The following RFX3 variants were observed in gnomAD, a reference collection of about 807,000 sequenced individuals.
RFX3 encodes the protein transcription factor RFX3.
A neutral mutation model predicts 98.6 loss-of-function variants in RFX3; 14 were observed. That is an observed-to-expected ratio of 0.14 (90% CI 0.09 to 0.22). The LOEUF (loss-of-function observed/expected upper bound fraction) is 0.22. Among genes scored for constraint, RFX3 ranks in the 10% least tolerant of loss-of-function variants. The probability of loss-of-function intolerance (pLI) is 1.00; values close to 1 mark genes in which losing one functional copy is unlikely to be tolerated. For synonymous variants in RFX3, 383 were observed against 328.4 expected (o/e 1.17, Z -1.80); for missense variants, 639 against 926.9 (o/e 0.69, Z 4.03).
chr9:3,317,550 A>G (rs1264901786), intron 4 of RFX3, among the ~76,000 whole-genome samples: 1 of 152,262 alleles, frequency 6.6e-6, no homozygotes, highest in Non-Finnish European at 1.5e-5. Flanking sequence ...GCTTCTGCAC[A>G]GCAAAAGAAA....
chr9:3,365,001 T>C (rs550973208), intron 2 of RFX3, among the ~76,000 whole-genome samples: 11 of 151,988 alleles, frequency 7.2e-5, no homozygotes, highest in Admixed American at 3.9e-4. Flanking sequence ...TAGAAAACAG[T>C]TAAGTAAAAA....
At chr9:3,230,721 T>A (rs1421939297) in intron 15 of RFX3, among the ~76,000 whole-genome samples, 1 of 152,198 alleles carries the variant, frequency 6.6e-6, no homozygotes, top group Non-Finnish European at 1.5e-5. Flanking sequence ...ACACTTAAGT[T>A]CTTGAAAGGA....
At chr9:3,378,458 T>C (rs1322258780) in intron 2 of RFX3, among the ~76,000 whole-genome samples, 2 of 152,124 alleles carry the variant, frequency 1.3e-5, no homozygotes, top group Non-Finnish European at 2.9e-5. Context: ...ATATATGATA[T>C]GTATAAGTTT....
intron 1 of RFX3, among the ~76,000 whole-genome samples, chr9:3,407,774 C>T (rs1230487138): frequency 6.6e-6 from 1 of 152,046 alleles, no homozygotes; most frequent in Non-Finnish European, 1.5e-5. Context: ...ATTTCATTTC[C>T]AGCAATGCAG....
chr9:3,466,988 A>T (rs759891509), intron 1 of RFX3, among the ~76,000 whole-genome samples: 4 of 148,290 alleles, frequency 2.7e-5, no homozygotes, highest in South Asian at 4.2e-4. Context: ...TACTTCCTGG[A>T]AACCTCTAAG....
At chr9:3,283,661 A>G (rs907573597) in intron 7 of RFX3, among the ~76,000 whole-genome samples, 1 of 151,734 alleles carries the variant, frequency 6.6e-6, no homozygotes, top group Non-Finnish European at 1.5e-5. Flanking sequence ...ATCTTTCCAA[A>G]TGACCTCTTC....
chr9:3,249,130 A>G (rs932892734), intron 14 of RFX3, among the ~76,000 whole-genome samples: 4 of 152,182 alleles, frequency 2.6e-5, no homozygotes, highest in African/African-American at 9.6e-5. Context: ...CAACCATTGT[A>G]TTCTCAGGAG....
intron 1 of RFX3, among the ~76,000 whole-genome samples, chr9:3,505,978 T>C (rs1225033951): frequency 6.6e-6 from 1 of 151,834 alleles, no homozygotes; most frequent in Non-Finnish European, 1.5e-5. Context: ...GGCCCCTACT[T>C]TATGTGCCAA....
intron 1 of RFX3, among the ~76,000 whole-genome samples, chr9:3,467,070 G>GTA (rs1848311356): frequency 3.0e-5 from 4 of 133,574 alleles, no homozygotes; most frequent in African/African-American, 5.8e-5. Flanking sequence ...ATATATATAA[G>GTA]TATATATGTA....
At chr9:3,428,388 T>G (rs1328734592) in intron 1 of RFX3, among the ~76,000 whole-genome samples, 1 of 152,216 alleles carries the variant, frequency 6.6e-6, no homozygotes, top group Non-Finnish European at 1.5e-5. Context: ...ATAATGATGA[T>G]GGAACACTTT....
At chr9:3,456,239 C>T (rs962072814) in intron 1 of RFX3, among the ~76,000 whole-genome samples, 2 of 152,174 alleles carry the variant, frequency 1.3e-5, no homozygotes, top group Non-Finnish European at 2.9e-5. Context: ...CAAACCATGG[C>T]ACTGTGGGAC....
rs753073467 is a variant in RFX3 at position 3,221,750 on chromosome 9, G to C, written c.*3292C>G. ...TCATGAATGCAAATCTTTTGAGTAT[G>C]ATTTTCAAACTATATGTCAAGATCA... On this transcript the variant is annotated 3_prime_UTR_variant, in exon 17 of 17. Transcript: ENST00000617270. 6.6e-6 allele frequency: 1 copy of C among 152,102 alleles called. No individual in the cohort carries two copies. The highest frequency in any genetic ancestry group is 1.5e-5 in the Non-Finnish European group (1 of 67,990). The allele number at this position is 152,102 out of a possible 1,614,324, so 9.4% of individuals were successfully genotyped here. A position where few individuals can be genotyped will look rare whatever the true frequency, so the allele number is the denominator to read the frequency against.
At chr9:3,357,249 C>T (rs1441236807) in intron 2 of RFX3, among the ~76,000 whole-genome samples, 3 of 151,856 alleles carry the variant, frequency 2.0e-5, no homozygotes, top group African/African-American at 4.8e-5. Flanking sequence ...CAAACATAGC[C>T]TCTCCGCTCC....
rs150461447 is a variant in RFX3 at position 3,508,510 on chromosome 9, G to A, written c.-9+17237C>T. On this transcript the variant is annotated intron_variant, in intron 1 of 16. Transcript: ENST00000617270. Reference sequence around the variant, plus strand: ...ACTCTCTCAATTCATCTGAAACAGCGGCATTAAATTTTAAAAAATGATAAA... The same window carrying A: ...ACTCTCTCAATTCATCTGAAACAGCAGCATTAAATTTTAAAAAATGATAAA... Among the ~76,000 whole-genome samples, 638 of 151,818 alleles carry A rather than the reference G, an allele frequency of 4.2e-3. 3 individuals are homozygous for A. Among genetic ancestry groups the A allele is most frequent in the African/African-American group, 0.014 (594 of 41,444 alleles).
At chr9:3,270,106 GAAA>G (rs1824215399) in intron 11 of RFX3, among the ~76,000 whole-genome samples, 7 of 25,780 alleles carry the variant, frequency 2.7e-4, no homozygotes, top group South Asian at 2.5e-3. Flanking sequence ...AAGAAAGAAA[GAAA>G]GAAAGAAAGA....
In RFX3 at chr9:3,465,402, T is replaced by C. The variant is rs142731778; in HGVS notation, c.-9+60345A>G. 2.6e-3 allele frequency among the ~76,000 whole-genome samples: 397 copies of C among 151,530 alleles called. 4 individuals are homozygous for C. Among genetic ancestry groups the C allele is most frequent in the South Asian group, 0.016 (77 of 4,784 alleles). On this transcript the variant is annotated intron_variant, in intron 1 of 16. Transcript: ENST00000617270. ...ACCTCCTGAGTTCAAGTGATTCTCC[T>C]ACCTCAGCCTCCTTAGTAGCTGGGA...
intron 3 of RFX3, among the ~76,000 whole-genome samples, chr9:3,331,826 G>T (rs1355794705): frequency 6.6e-6 from 1 of 151,942 alleles, no homozygotes; most frequent in East Asian, 1.9e-4. Context: ...TACATAAGTT[G>T]GTATCACTGC....
chr9:3,469,617 G>A (rs1443826138), intron 1 of RFX3, among the ~76,000 whole-genome samples: 1 of 151,880 alleles, frequency 6.6e-6, no homozygotes, highest in Admixed American at 6.6e-5. Flanking sequence ...CTTCTCATGG[G>A]AATACACTTA....
At chr9:3,233,215 G>C (rs1818711620) in intron 15 of RFX3, among the ~76,000 whole-genome samples, 2 of 152,220 alleles carry the variant, frequency 1.3e-5, no homozygotes, top group South Asian at 4.1e-4. Context: ...TGTCCATGAA[G>C]TATAAGTGGG....
Sources: allele counts gnomAD v4.1 joint callset (sites outside exome capture counted in the v4.1 genomes callset), GRCh38; gene constraint gnomAD v4.1.1; transcripts MANE v1.5; gene names NCBI Gene and HGNC (gene_info 2026-07-23, HGNC 2026-07-21).